RARB: variants seen among roughly 807,000 people sequenced by gnomAD.
RARB encodes HBV-activated protein.
A neutral mutation model predicts 51.9 loss-of-function variants in RARB; 17 were observed. That is an observed-to-expected ratio of 0.33 (90% CI 0.22 to 0.49). The LOEUF is 0.49. RARB is among the 20% of genes least tolerant of loss of function. The probability of loss-of-function intolerance (pLI) is 0.99; values close to 1 mark genes in which losing one functional copy is unlikely to be tolerated. For missense variants in RARB, 369 were observed against 550.8 expected, an observed-to-expected ratio of 0.67 and a Z score of 3.30; for synonymous variants, 215 against 195.4, an observed-to-expected ratio of 1.10 and a Z score of -0.84.
At chr3:25,491,656 GCTGGGCGTGCGTGGTACCTCATGC>G (rs1217618046) in intron 2 of RARB, among the ~76,000 whole-genome samples, 10 of 152,138 alleles carry the variant, frequency 6.6e-5, no homozygotes, top group Non-Finnish European at 1.0e-4. Flanking sequence ...ATTATTTAGG[GCTGGGCGTGCGTGGTACCTCATGC>G]CTGTAATCCC....
intron 5 of RARB, among the ~76,000 whole-genome samples, chr3:25,360,406 G>T (rs923068731): frequency 2.0e-5 from 3 of 152,162 alleles, no homozygotes; most frequent in Non-Finnish European, 4.4e-5. Flanking sequence ...ACAGCATACT[G>T]ATGGGTCTTG....
rs955642311 is a variant in RARB, at chr3:25,107,149, C to G, written c.-327-25012C>G. 7.2e-5 allele frequency among the ~76,000 whole-genome samples: 11 copies of G among 152,200 alleles called. No homozygotes were observed. The South Asian group carries it at 2.3e-3, about 32-fold the overall frequency. On this transcript the variant is annotated intron_variant, in intron 3 of 11. Coordinates refer to the RARB transcript ENST00000383772. ...CTCCTGACCTCAGGTGATCTACCTG[C>G]CTCGGCCTCCCAAAGTGCTGGGATT...
chr3:25,432,850 T>A (rs1460189270), intron 1 of RARB, among the ~76,000 whole-genome samples: 1 of 152,174 alleles, frequency 6.6e-6, no homozygotes, highest in Non-Finnish European at 1.5e-5. Flanking sequence ...TAAGTTACTC[T>A]TTGGGCAGAA....
At chr3:25,519,530 T>TC (rs1698312775) in intron 3 of RARB, among the ~76,000 whole-genome samples, 1 of 152,194 alleles carries the variant, frequency 6.6e-6, no homozygotes, top group Non-Finnish European at 1.5e-5. Flanking sequence ...ATGTTCCATT[T>TC]CTTTTTAATT....
chr3:25,264,978 C>G (rs1398143575), intron 5 of RARB, among the ~76,000 whole-genome samples: 2 of 152,132 alleles, frequency 1.3e-5, no homozygotes, highest in Admixed American at 1.3e-4. Context: ...TTATGTCACA[C>G]AGATAAAGCT....
chr3:24,991,891 C>T (rs757183122), intron 2 of RARB, among the ~76,000 whole-genome samples: 1 of 152,068 alleles, frequency 6.6e-6, no homozygotes, highest in African/African-American at 2.4e-5. Context: ...TCTCCCCCTG[C>T]CCCCAGCATG....
intron 3 of RARB, among the ~76,000 whole-genome samples, chr3:25,089,859 C>A (rs1699166249): frequency 6.6e-6 from 1 of 152,162 alleles, no homozygotes; most frequent in East Asian, 1.9e-4. Flanking sequence ...AAATCTGAAT[C>A]CTTTGAAATT....
intron 3 of RARB, among the ~76,000 whole-genome samples, chr3:25,568,693 G>A (rs1390166373): frequency 6.6e-6 from 1 of 152,192 alleles, no homozygotes; most frequent in Non-Finnish European, 1.5e-5. Flanking sequence ...GATCCTCTTA[G>A]GGCAGATCAG....
At chr3:24,991,719 C>T (rs1375206608) in intron 2 of RARB, among the ~76,000 whole-genome samples, 1 of 151,454 alleles carries the variant, frequency 6.6e-6, no homozygotes, top group African/African-American at 2.4e-5. Context: ...CACATTTCAT[C>T]ATCAAATGCT....
rs117463065 is a variant in RARB, at chr3:25,280,886, C to T, written c.178+106311C>T. 1.1e-3 allele frequency among the ~76,000 whole-genome samples: 169 copies of T among 152,038 alleles called. 1 individual carries two copies. In the East Asian group the frequency reaches 0.017, roughly 15 times the overall value. ...TTTGTCCTCTGCCCCATCTTGGTCT[C>T]GGAGTGGGTTTATGGGGAAGGGTGT... On this transcript the variant is annotated intron_variant, in intron 5 of 11. Transcript: ENST00000383772.
chr3:25,359,162 G>GTT (rs1199796596), intron 5 of RARB, among the ~76,000 whole-genome samples: 1 of 152,050 alleles, frequency 6.6e-6, no homozygotes, highest in African/African-American at 2.4e-5. Context: ...TTCAGAACTT[G>GTT]TTTTTGGTCT....
chr3:25,353,048 G>A (rs1011232431), intron 5 of RARB, among the ~76,000 whole-genome samples: 1 of 152,178 alleles, frequency 6.6e-6, no homozygotes, highest in Admixed American at 6.6e-5. Flanking sequence ...CAAGTAATAC[G>A]TGAGGCACTT....
At chr3:25,306,203 G>A (rs1317135204) in intron 5 of RARB, among the ~76,000 whole-genome samples, 1 of 152,066 alleles carries the variant, frequency 6.6e-6, no homozygotes, top group African/African-American at 2.4e-5. Flanking sequence ...TTGGGTCTCC[G>A]TGGCAGGCCA....
chr3:25,531,617 T>G (rs1341744846), intron 3 of RARB, among the ~76,000 whole-genome samples: 1 of 152,080 alleles, frequency 6.6e-6, no homozygotes, highest in African/African-American at 2.4e-5. Flanking sequence ...GACCAACTGA[T>G]TTGGTTAGCA....
chr3:25,330,725 G>A (rs540765973), intron 5 of RARB, among the ~76,000 whole-genome samples: 1 of 152,162 alleles, frequency 6.6e-6, no homozygotes, highest in Non-Finnish European at 1.5e-5. Context: ...TGGCAAATTG[G>A]ATAAAGAGTC....
chr3:25,261,790 T>G (rs1045689039), intron 5 of RARB, among the ~76,000 whole-genome samples: 1 of 152,170 alleles, frequency 6.6e-6, no homozygotes, highest in East Asian at 1.9e-4. Context: ...ATTCTTTCTT[T>G]ACCTTCATGC....
intron 3 of RARB, among the ~76,000 whole-genome samples, chr3:25,097,289 A>T (rs1699313550): frequency 6.6e-6 from 1 of 152,192 alleles, no homozygotes; most frequent in Admixed American, 6.5e-5. Context: ...TAATGCAGGG[A>T]AACTAAAAGA....
chr3:25,563,877 C>A (rs1202897286), intron 3 of RARB, among the ~76,000 whole-genome samples: 1 of 151,734 alleles, frequency 6.6e-6, no homozygotes, highest in African/African-American at 2.4e-5. Flanking sequence ...AATAAATAGA[C>A]CATCATGCTT....
chr3:25,072,617 T>C (rs868547367), intron 3 of RARB, among the ~76,000 whole-genome samples: 70 of 152,306 alleles, frequency 4.6e-4, no homozygotes, highest in African/African-American at 1.6e-3. Context: ...CACGGTCTGA[T>C]GTAAGAACCT....
Sources: gnomAD v4.1 joint callset for allele counts (sites outside exome capture counted in the v4.1 genomes callset) on GRCh38, gnomAD v4.1.1 for gene constraint, MANE v1.5 for transcripts, NCBI Gene and HGNC (gene_info 2026-07-23, HGNC 2026-07-21) for gene names.